GLI3: variants seen among roughly 807,000 people sequenced by gnomAD.
GLI3 encodes transcription activator GLI3.
In GLI3, 20 loss-of-function variants were observed where a neutral mutation model predicts 100.8. The observed-to-expected ratio is 0.20, with a 90% confidence interval of 0.14 to 0.29. The LOEUF is 0.29. Among genes scored for constraint, GLI3 ranks in the 10% least tolerant of loss-of-function variants. The pLI, the probability that GLI3 is intolerant of heterozygous loss-of-function variation, is 1.00. For synonymous variants in GLI3, 938 were observed against 860.5 expected (o/e 1.09, Z -1.58); for missense variants, 2,040 against 2,128.5 (o/e 0.96, Z 0.82).
intron 3 of GLI3, among the ~76,000 whole-genome samples, chr7:42,107,192 G>A (rs894721414): frequency 6.6e-6 from 1 of 152,090 alleles, no homozygotes; most frequent in Non-Finnish European, 1.5e-5. Flanking sequence ...TTAGCCAGGT[G>A]TGAAGGTGCA....
intron 4 of GLI3, among the ~76,000 whole-genome samples, chr7:42,054,190 T>G (rs1190456907): frequency 6.6e-6 from 1 of 152,216 alleles, no homozygotes; most frequent in Non-Finnish European, 1.5e-5. Flanking sequence ...AGTAGAAGAT[T>G]CTTATCAGAG....
At chr7:42,112,476 T>A (rs905224568) in intron 3 of GLI3, among the ~76,000 whole-genome samples, 6 of 152,104 alleles carry the variant, frequency 3.9e-5, no homozygotes, top group Non-Finnish European at 7.4e-5. Context: ...AAGGGTGGAA[T>A]TAGAATGTTC....
chr7:41,992,128 G>A (rs1352976387), intron 10 of GLI3, among the ~76,000 whole-genome samples: 1 of 152,214 alleles, frequency 6.6e-6, no homozygotes, highest in Non-Finnish European at 1.5e-5. Flanking sequence ...GAGGCACTAA[G>A]CAAAGACTGG....
chr7:41,971,888 G>A (rs921122227), intron 13 of GLI3, among the ~76,000 whole-genome samples: 22 of 152,052 alleles, frequency 1.4e-4, no homozygotes, highest in Admixed American at 5.2e-4. Context: ...ACACAGACTT[G>A]TGTGTAAGCC....
At chr7:42,098,167 GT>G (rs1562728078) in intron 3 of GLI3, among the ~76,000 whole-genome samples, 1 of 152,108 alleles carries the variant, frequency 6.6e-6, no homozygotes, top group African/African-American at 2.4e-5. Flanking sequence ...AGAGTGCTCA[GT>G]GGCTGTGGGA....
chr7:41,989,264 G>A (rs1035915658), intron 10 of GLI3, among the ~76,000 whole-genome samples: 18 of 152,284 alleles, frequency 1.2e-4, no homozygotes, highest in African/African-American at 4.1e-4. Context: ...TGTAGTCATG[G>A]AACGAAATTA....
intron 3 of GLI3, among the ~76,000 whole-genome samples, chr7:42,102,165 T>C (rs1377040597): frequency 1.3e-5 from 2 of 152,156 alleles, no homozygotes; most frequent in South Asian, 2.1e-4. Flanking sequence ...TGTGTCTTTA[T>C]AGCAGCATGA....
chr7:42,248,945 T>G (rs1285931929), intron 1 of GLI3, among the ~76,000 whole-genome samples: 1 of 152,054 alleles, frequency 6.6e-6, no homozygotes, highest in Non-Finnish European at 1.5e-5. Flanking sequence ...TTTCACCATG[T>G]TGGCTAGGCT....
intron 3 of GLI3, among the ~76,000 whole-genome samples, chr7:42,098,934 G>T (rs1159956443): frequency 6.6e-6 from 1 of 152,144 alleles, no homozygotes; most frequent in East Asian, 1.9e-4. Flanking sequence ...TAGAAGAGGG[G>T]ACCCTTGTGG....
chr7:42,157,190 C>G (rs1361869941), intron 2 of GLI3, among the ~76,000 whole-genome samples: 1 of 152,190 alleles, frequency 6.6e-6, no homozygotes, highest in Non-Finnish European at 1.5e-5. Flanking sequence ...GGTCAGGTTT[C>G]TGCAACAGAA....
Position 42,263,936 on chromosome 7 carries a change from G to A in GLI3, c.-43+58C>T, listed in dbSNP as rs139099424. Among the ~76,000 whole-genome samples the A allele has an allele frequency of 7.9e-5, 12 of 152,292 alleles. No homozygotes were observed. In the East Asian group the frequency reaches 2.1e-3, roughly 27 times the overall value. On this transcript the variant is annotated intron_variant, in intron 1 of 2. Transcript: ENST00000678978. ...TAGCTGAATAAAATGATTTGCAGAG[G>A]TTATTGCTAACTTACCTACCTAGAA...
At chr7:42,085,013 G>A (rs1785074150) in intron 3 of GLI3, among the ~76,000 whole-genome samples, 2 of 146,514 alleles carry the variant, frequency 1.4e-5, no homozygotes, top group South Asian at 4.3e-4. Flanking sequence ...CCGGGTTCAA[G>A]CGATTCTCGT....
Position 41,966,456 on chromosome 7 carries a change from TGGA to T in GLI3, c.2614_2616del (p.Ser873del). ...TGTGACGCCTCGCTGGAGCGGCGGC[TGGA>T]GAAGCAGGGCGAGATCCCTGAGGAG... On this transcript the variant is annotated inframe_deletion, in exon 15 of 15. Coordinates refer to ENST00000395925, the MANE Select transcript of GLI3 (RefSeq NM_000168.6). This position sits in a 1 kb window ranked among gnomAD's most constrained non-coding sequence, Gnocchi z 5.8. 1 of 1,612,446 alleles carries T rather than the reference TGGA, an allele frequency of 6.2e-7. No homozygotes were observed. The highest frequency in any genetic ancestry group is 2.2e-5 in the East Asian group (1 of 44,860).
chr7:42,244,023 G>A (rs1003454827), intron 1 of GLI3, among the ~76,000 whole-genome samples: 4 of 151,972 alleles, frequency 2.6e-5, no homozygotes, highest in Admixed American at 1.3e-4. Context: ...TAGTAGAGAC[G>A]GGGTTTTACC....
chr7:42,064,824 T>A (rs866056671), intron 4 of GLI3, among the ~76,000 whole-genome samples: 1 of 152,182 alleles, frequency 6.6e-6, no homozygotes, highest in Non-Finnish European at 1.5e-5. Context: ...AAATCCTCCC[T>A]CTGTGAAGAA....
chr7:42,002,135 A>G (rs1369525162), intron 10 of GLI3, among the ~76,000 whole-genome samples: 2 of 152,162 alleles, frequency 1.3e-5, no homozygotes, highest in Admixed American at 1.3e-4. Context: ...ACAAAAATTC[A>G]CATTCAAAAT....
intron 1 of GLI3, 54 bp from the exon 2 acceptor site, chr7:42,223,349 A>AC (rs1411828093): frequency 3.6e-6 from 4 of 1,111,252 alleles, no homozygotes; most frequent in Non-Finnish European, 5.3e-6. Context: ...AAAAAAAAAA[A>AC]ACTTTCAAAA....
intron 3 of GLI3, among the ~76,000 whole-genome samples, chr7:42,115,330 G>A (rs1785826411): frequency 6.6e-6 from 1 of 151,892 alleles, no homozygotes; most frequent in Admixed American, 6.6e-5. Flanking sequence ...AGTAGAGACA[G>A]GGTTTCACCA....
At chr7:42,140,945 CAG>C (rs1456687018) in intron 3 of GLI3, among the ~76,000 whole-genome samples, 1 of 152,032 alleles carries the variant, frequency 6.6e-6, no homozygotes, top group Non-Finnish European at 1.5e-5. Flanking sequence ...AGGAAGGAAA[CAG>C]GGAGGGAAAG....
Sources: allele counts gnomAD v4.1 joint callset (sites outside exome capture counted in the v4.1 genomes callset), GRCh38; gene constraint gnomAD v4.1.1; non-coding constraint Gnocchi (gnomAD v3.1); transcripts MANE v1.5; gene names NCBI Gene and HGNC (gene_info 2026-07-23, HGNC 2026-07-21).